WASHC4: variants seen among roughly 807,000 people sequenced by gnomAD.
WASHC4 encodes WASH complex subunit 4.
In WASHC4, 86 loss-of-function variants were observed where a neutral mutation model predicts 166.6. The ratio of observed to expected loss-of-function variants is 0.52; its 90% CI spans 0.43 to 0.62. The LOEUF is 0.62. WASHC4 is among the 20% of genes least tolerant of loss of function. The pLI, the probability that WASHC4 is intolerant of heterozygous loss-of-function variation, is 0.00. For missense variants in WASHC4, 1,262 were observed against 1,382.4 expected, an observed-to-expected ratio of 0.91 and a Z score of 1.38; for synonymous variants, 446 against 451.6, an observed-to-expected ratio of 0.99 and a Z score of 0.16.
intron 29 of WASHC4, among the ~76,000 whole-genome samples, chr12:105,160,481 G>A (rs1318602714): frequency 2.0e-5 from 3 of 151,872 alleles, no homozygotes; most frequent in African/African-American, 7.3e-5. Context: ...CTAGTAGCTG[G>A]GACTACAGGT....
At chr12:105,149,312 T>C (rs1883550067) in intron 24 of WASHC4, 1 of 985,300 alleles carries the variant, frequency 1.0e-6, no homozygotes, top group Admixed American at 6.1e-5. Flanking sequence ...ACTAGAGTCT[T>C]GAGTCTGGTT....
At chr12:105,145,819 A>G (rs1883244226) in intron 22 of WASHC4, among the ~76,000 whole-genome samples, 2 of 152,130 alleles carry the variant, frequency 1.3e-5, no homozygotes, top group South Asian at 2.1e-4. Context: ...AGTAATATCT[A>G]TTTAAAGAAT....
chr12:105,119,314 A>G (rs1324150181), intron 7 of WASHC4, among the ~76,000 whole-genome samples: 1 of 152,198 alleles, frequency 6.6e-6, no homozygotes, highest in East Asian at 1.9e-4. Flanking sequence ...TCATTTGATT[A>G]GTTCTTTATA....
In WASHC4 at chr12:105,140,333, G is replaced by A. The variant is rs1463620069; in HGVS notation, c.1492G>A (p.Ala498Thr). The change falls in exon 16 of 33, where the codon GCT (alanine) becomes ACT (threonine). Residue 498 changes from alanine to threonine, a missense_variant. Transcript: ENST00000332180. ...HMFYRRSMVV[A>T]DSVSHITQHL... ...GTTCTACAGGAGAAGCATGGTTGTG[G>A]CTGATTCAGTTTCACATATAACACA... 5.6e-6 allele frequency: 9 copies of A among 1,613,768 alleles called. No homozygotes were observed. The highest frequency in any genetic ancestry group is 1.7e-5 in the Admixed American group (1 of 60,014).
At chr12:105,108,517 C>T (rs1412436181) in intron 1 of WASHC4, among the ~76,000 whole-genome samples, 1 of 152,178 alleles carries the variant, frequency 6.6e-6, no homozygotes, top group Non-Finnish European at 1.5e-5. Flanking sequence ...AAAATTACAG[C>T]AAATCTTCAA....
intron 30 of WASHC4, 79 bp downstream of exon 30, chr12:105,162,924 AG>A (rs1280643025): frequency 1.4e-6 from 1 of 737,728 alleles, no homozygotes; most frequent in African/African-American, 1.8e-5. Context: ...GCTTGAGAAT[AG>A]GTCTATATGT....
intron 30 of WASHC4, among the ~76,000 whole-genome samples, chr12:105,163,702 G>A (rs1054336411): frequency 9.2e-5 from 14 of 151,958 alleles, no homozygotes; most frequent in African/African-American, 3.1e-4. Context: ...AGAGACAGGA[G>A]TCTCACTGTG....
At chr12:105,138,494 C>T (rs1203437226) in intron 15 of WASHC4, among the ~76,000 whole-genome samples, 2 of 151,996 alleles carry the variant, frequency 1.3e-5, no homozygotes, top group East Asian at 3.8e-4. Flanking sequence ...CAGTGGACTA[C>T]TTACAGAGGT....
Position 105,115,033 on chromosome 12 carries a change from A to C in WASHC4, c.322-151A>C, listed in dbSNP as rs886888558. ...AATATTTTTGTTACTCTAAAGATGA[A>C]TTGCTTTATAAACAGATTTTGAATT... On this transcript the variant is annotated intron_variant, in intron 4 of 32. Transcript: ENST00000332180. 3 of 563,124 alleles carry C rather than the reference A, an allele frequency of 5.3e-6. No individual in the cohort carries two copies. In the African/African-American group the frequency reaches 5.7e-5, roughly 11 times the overall value. 34.9% of individuals were successfully genotyped at this position (563,124 alleles called of 1,614,324 possible).
chr12:105,143,320 G>A (rs1883022207), intron 20 of WASHC4, 77 bp downstream of exon 20: 1 of 818,452 alleles, frequency 1.2e-6, no homozygotes, highest in African/African-American at 1.7e-5. Context: ...TTCGATTGAA[G>A]CAGACTCACT....
At chr12:105,143,047 A>C in intron 19 of WASHC4, 80 bp from the exon 20 acceptor site, 1 of 860,850 alleles carries the variant, frequency 1.2e-6, no homozygotes. Context: ...TTGTCTTTCA[A>C]GATAATTAAC....
intron 13 of WASHC4, among the ~76,000 whole-genome samples, chr12:105,133,035 T>C (rs754521429): frequency 2.0e-5 from 3 of 152,158 alleles, no homozygotes; most frequent in Non-Finnish European, 4.4e-5. Context: ...TCAGATCCTC[T>C]TGAAACTAAA....
chr12:105,130,675 G>A (rs1300177771), intron 13 of WASHC4, among the ~76,000 whole-genome samples: 2 of 150,650 alleles, frequency 1.3e-5, no homozygotes, highest in East Asian at 1.9e-4. Flanking sequence ...AAGTGAGTAG[G>A]GAGCAATGGA....
chr12:105,127,282 C>T lies in WASHC4; in HGVS notation c.1192C>T (p.Leu398Phe), dbSNP rs1437268130. 1 of 1,604,404 alleles carries T rather than the reference C, an allele frequency of 6.2e-7. No homozygotes were observed. The highest frequency in any genetic ancestry group is 1.7e-5 in the Admixed American group (1 of 60,010). The change falls in exon 13 of 33, where the codon CTT becomes TTT. Residue 398 changes from leucine (L) to phenylalanine (F), a missense_variant. Transcript: ENST00000332180. ...DTFLQQKAQS[L>F]TKDVQSYYVF... ...TTTTCTACAACAGAAAGCTCAATCA[C>T]TTACCAAGTAGGTTTTATAAACAAG...
At chr12:105,163,047 C>G (rs1179197657) in intron 30 of WASHC4, among the ~76,000 whole-genome samples, 1 of 151,916 alleles carries the variant, frequency 6.6e-6, no homozygotes, top group East Asian at 1.9e-4. Context: ...AGCTCCGCCT[C>G]CTGGGTTCAC....
intron 10 of WASHC4, among the ~76,000 whole-genome samples, chr12:105,124,688 C>T (rs1592858657): frequency 6.6e-6 from 1 of 151,872 alleles, no homozygotes; most frequent in African/African-American, 2.4e-5. Flanking sequence ...ACCATGTTGG[C>T]CAGGCTGGTC....
In WASHC4 at chr12:105,139,425, G is replaced by GTGTATATATATATATA; in HGVS notation, c.1453-868_1453-867insGTATATATATATATAT. On this transcript the variant is annotated intron_variant, in intron 15 of 32. Coordinates refer to ENST00000332180, the MANE Select transcript of WASHC4 (RefSeq NM_015275.3). ...AGACAGACTATATATATGTGTGTGT[G>GTGTATATATATATATA]TATATATATATATATATATATATAT... 1.0e-3 allele frequency among the ~76,000 whole-genome samples: 108 copies of GTGTATATATATATATA among 103,170 alleles called. 1 individual carries two copies. Among genetic ancestry groups the GTGTATATATATATATA allele is most frequent in the Non-Finnish European group, 1.5e-3 (77 of 50,692 alleles). The allele number at this position is 103,170 out of a possible 152,430, so 67.7% of individuals were successfully genotyped here.
intron 18 of WASHC4, among the ~76,000 whole-genome samples, chr12:105,141,744 G>C (rs548496122): frequency 6.6e-6 from 1 of 152,238 alleles, no homozygotes; most frequent in East Asian, 1.9e-4. Context: ...TTCTTGAAGG[G>C]AAATTTGAAT....
chr12:105,112,445 G>A (rs1879789224), intron 2 of WASHC4, among the ~76,000 whole-genome samples: 1 of 152,034 alleles, frequency 6.6e-6, no homozygotes, highest in Admixed American at 6.6e-5. Context: ...ATATGGGAGT[G>A]GAAATCCTGG....
Sources: allele counts gnomAD v4.1 joint callset (sites outside exome capture counted in the v4.1 genomes callset), GRCh38; gene constraint gnomAD v4.1.1; transcripts MANE v1.5; gene names NCBI Gene and HGNC (gene_info 2026-07-23, HGNC 2026-07-21).